Variants in C2CD5 observed in about 807,000 individuals in gnomAD.
C2CD5 encodes the protein C2 domain-containing protein 5.
C2CD5 carries 109 observed loss-of-function variants against 130.3 expected under a neutral mutation model. The observed-to-expected ratio is 0.84, with a 90% CI of 0.72 to 0.98. C2CD5 has a LOEUF of 0.98. C2CD5 is among the 50% of genes least tolerant of loss of function. C2CD5 has a pLI of 0.00. For missense variants in C2CD5, 996 were observed against 1,261.8 expected, an observed-to-expected ratio of 0.79 and a Z score of 3.19; for synonymous variants, 454 against 429.2, an observed-to-expected ratio of 1.06 and a Z score of -0.71.
intron 4 of C2CD5, among the ~76,000 whole-genome samples, chr12:22,526,457 T>C (rs7963892): frequency 2.8e-3 from 429 of 152,298 alleles, no homozygotes; most frequent in African/African-American, 9.3e-3. Flanking sequence ...AAGTGGCAGA[T>C]CCAGGATTAA....
intron 14 of C2CD5, among the ~76,000 whole-genome samples, chr12:22,482,011 T>C (rs1021106567): frequency 6.6e-6 from 1 of 152,058 alleles, no homozygotes; most frequent in African/African-American, 2.4e-5. Context: ...GTCTGTCCAA[T>C]AGTGTCTCAC....
intron 3 of C2CD5, among the ~76,000 whole-genome samples, chr12:22,532,763 G>T (rs1343391843): frequency 1.3e-5 from 2 of 152,074 alleles, no homozygotes; most frequent in African/African-American, 4.8e-5. Flanking sequence ...TCCTTCCCTT[G>T]TTCTCTTTCA....
chr12:22,513,504 T>C (rs964060097), intron 8 of C2CD5, 125 bp from the exon 9 acceptor site: 1 of 700,076 alleles, frequency 1.4e-6, no homozygotes, highest in South Asian at 1.6e-5. Context: ...TTTAAAGCAC[T>C]GGGGATGACA....
At position 22,449,019 on chromosome 12, in the gene C2CD5, T is replaced by C. The variant is rs934733953; in HGVS notation, c.*741A>G. 6.6e-6 allele frequency: 1 copy of C among 152,322 alleles called. No homozygotes were observed. The highest frequency in any genetic ancestry group is 6.6e-5 in the Admixed American group (1 of 15,252). 9.4% of individuals were successfully genotyped at this position (152,322 alleles called of 1,614,324 possible). On this transcript the variant is annotated 3_prime_UTR_variant, in exon 27 of 27. Coordinates refer to ENST00000446597, the MANE Select transcript of C2CD5 (RefSeq NM_001286176.2). ...CTTTAACAAAATTCACTGACATTTT[T>C]ATCCCAGTTGAAGTCAAGCCTCTTT...
At chr12:22,466,304 TA>T (rs58702536) in intron 22 of C2CD5, among the ~76,000 whole-genome samples, 14,566 of 140,896 alleles carry the variant, frequency 0.1, 2,154 homozygotes, top group African/African-American at 0.33. Context: ...TTACTGAAAG[TA>T]AAAAAAAAAA....
chr12:22,510,943 C>T (rs1336998742), intron 9 of C2CD5, among the ~76,000 whole-genome samples: 1 of 152,116 alleles, frequency 6.6e-6, no homozygotes, highest in African/African-American at 2.4e-5. Flanking sequence ...CCAGCCTGGG[C>T]ATCATAGAGA....
At chr12:22,515,204 T>C in intron 8 of C2CD5, 2 of 856,046 alleles carry the variant, frequency 2.3e-6, no homozygotes, top group African/African-American at 1.8e-5. Context: ...GATCAGAAAA[T>C]GCAGGCTAAG....
At chr12:22,479,370 G>A (rs1029702928) in intron 14 of C2CD5, among the ~76,000 whole-genome samples, 4 of 151,198 alleles carry the variant, frequency 2.6e-5, no homozygotes, top group South Asian at 2.1e-4. Context: ...CACTGGGCCC[G>A]GACCTACCTC....
chr12:22,513,184 T>C (rs1949376401), intron 9 of C2CD5, 110 bp downstream of exon 9: 3 of 733,400 alleles, frequency 4.1e-6, no homozygotes, highest in East Asian at 2.6e-5. Flanking sequence ...AACTGCAATA[T>C]TATAGATATG....
At chr12:22,461,493 T>C (rs1448017382) in intron 22 of C2CD5, among the ~76,000 whole-genome samples, 1 of 152,192 alleles carries the variant, frequency 6.6e-6, no homozygotes, top group African/African-American at 2.4e-5. Flanking sequence ...ATGTATTAAA[T>C]ATCTGTTCCC....
intron 3 of C2CD5, among the ~76,000 whole-genome samples, chr12:22,532,876 A>C (rs1200853236): frequency 1.3e-5 from 2 of 152,204 alleles, no homozygotes; most frequent in African/African-American, 2.4e-5. Context: ...AATGCTGCCC[A>C]ATATAAGGGC....
intron 3 of C2CD5, among the ~76,000 whole-genome samples, chr12:22,528,618 G>A (rs1950938598): frequency 1.3e-5 from 2 of 151,916 alleles, no homozygotes; most frequent in Admixed American, 1.3e-4. Context: ...ATTAAGATTG[G>A]GACAGAATAC....
intron 10 of C2CD5, chr12:22,502,757 A>G: frequency 6.5e-7 from 1 of 1,530,004 alleles, no homozygotes; most frequent in Non-Finnish European, 8.8e-7. Context: ...AAACTATTCC[A>G]GTCTAGCAGT....
At chr12:22,512,257 C>A (rs1485401313) in intron 9 of C2CD5, among the ~76,000 whole-genome samples, 3 of 152,170 alleles carry the variant, frequency 2.0e-5, no homozygotes, top group African/African-American at 7.2e-5. Flanking sequence ...ATCGTACCAA[C>A]CTCTAGAGGA....
At chr12:22,482,498 CAT>C in intron 14 of C2CD5, 57 bp downstream of exon 14, 1 of 1,387,326 alleles carries the variant, frequency 7.2e-7, no homozygotes, top group Non-Finnish European at 1.0e-6. Context: ...AATCACATAA[CAT>C]AGAATCTACT....
At chr12:22,519,244 G>C (rs1950047930) in intron 7 of C2CD5, 1 of 1,535,000 alleles carries the variant, frequency 6.5e-7, no homozygotes, top group Non-Finnish European at 8.7e-7. Flanking sequence ...GGAGACCTGA[G>C]GGAATTTGTG....
At chr12:22,492,648 G>T (rs189491834) in intron 11 of C2CD5, among the ~76,000 whole-genome samples, 2 of 152,188 alleles carry the variant, frequency 1.3e-5, no homozygotes, top group South Asian at 2.1e-4. Context: ...ACAGTAGCGT[G>T]GCATGTACTT....
At position 22,449,768 on chromosome 12, in the gene C2CD5, T is replaced by C; in HGVS notation, c.3148A>G (p.Thr1050Ala). The C allele has an allele frequency of 6.3e-7, 1 of 1,589,258 alleles. No individual in the cohort carries two copies. The highest frequency in any genetic ancestry group is 8.6e-7 in the Non-Finnish European group (1 of 1,161,350). Residue 1050 changes from threonine to alanine, a missense_variant, in exon 27 of 27, where the codon ACA becomes GCA. This residue lies in a region of C2CD5 where 48 missense variants were observed against 46.4 expected (regional missense o/e 1.03). Transcript: ENST00000446597. Reference protein sequence around the residue: ...CQSSCTEGEVTT With the variant: ...CQSSCTEGEVAT Reference sequence around the variant, plus strand: ...TTTTTTCCTAATTTTCCTCAGGTTGTAACTTCGCCTTCAGTACATGATGAC... The same window carrying C: ...TTTTTTCCTAATTTTCCTCAGGTTGCAACTTCGCCTTCAGTACATGATGAC...
chr12:22,450,844 G>A (rs901057185), intron 26 of C2CD5, among the ~76,000 whole-genome samples: 15 of 151,886 alleles, frequency 9.9e-5, no homozygotes, highest in Non-Finnish European at 2.1e-4. Context: ...AAGAAATTCC[G>A]ATCGACCTAT....
Sources: allele counts gnomAD v4.1 joint callset (sites outside exome capture counted in the v4.1 genomes callset), GRCh38; gene constraint gnomAD v4.1.1; regional missense constraint gnomAD v4.1.1; transcripts MANE v1.5; gene names NCBI Gene and HGNC (gene_info 2026-07-23, HGNC 2026-07-21).